The following FARP1 variants were observed in gnomAD, a reference collection of about 807,000 sequenced individuals.
FARP1 encodes the protein FERM, ARHGEF and pleckstrin domain-containing protein 1.
In FARP1, 52 loss-of-function variants were observed where a neutral mutation model predicts 128.8. The observed-to-expected ratio is 0.40, with a 90% CI of 0.32 to 0.51. The LOEUF (loss-of-function observed/expected upper bound fraction) is 0.51. Ranked by LOEUF, FARP1 falls within the 20% of genes least tolerant of loss-of-function variation. The probability of loss-of-function intolerance (pLI) is 0.45; values close to 1 mark genes in which losing one functional copy is unlikely to be tolerated. For missense variants in FARP1, 1,333 were observed against 1,367.9 expected (o/e 0.97, Z 0.40); for synonymous variants, 580 against 551.8 (o/e 1.05, Z -0.72).
chr13:98,268,404 G>A (rs564535624), intron 2 of FARP1, among the ~76,000 whole-genome samples: 1 of 152,230 alleles, frequency 6.6e-6, no homozygotes, highest in South Asian at 2.1e-4. Context: ...AAGAGATACT[G>A]GCCAGCAGAA....
chr13:98,153,288 A>ATATAGATAAATATATATT (rs1876153172), intron 1 of FARP1, among the ~76,000 whole-genome samples: 1 of 12,670 alleles, frequency 7.9e-5, no homozygotes, highest in Non-Finnish European at 3.6e-4. Context: ...TATATATAAA[A>ATATAGATAAATATATATT]TATATATAAA....
In FARP1 at chr13:98,446,161, G is replaced by C; in HGVS notation, c.2860G>C (p.Val954Leu). Reference protein sequence around the residue: ...KNSNGWQKLWVVFTNFCLFFY... With the variant: ...KNSNGWQKLWLVFTNFCLFFY... ...CAGCAACGGGTGGCAGAAGCTGTGG[G>C]TGGTGTTCACAAACTTCTGCCTGTT... The change falls in exon 25 of 27, where the codon GTG becomes CTG. Residue 954 changes from valine to leucine, a missense_variant. Physicochemically the swap from Val to Leu is conservative, Grantham distance 32 (BLOSUM62 1). Around this residue, in one of 2 missense-constraint regions of FARP1, gnomAD observed 1,009 missense variants for 969.8 expected, o/e 1.04. Coordinates refer to ENST00000319562, the MANE Select transcript of FARP1 (RefSeq NM_005766.4). The C allele has an allele frequency of 6.2e-7, 1 of 1,614,030 alleles. No individual in the cohort carries two copies. The highest frequency in any genetic ancestry group is 8.5e-7 in the Non-Finnish European group (1 of 1,179,882).
chr13:98,346,513 G>T (rs112277427), intron 3 of FARP1, among the ~76,000 whole-genome samples: 16,094 of 151,784 alleles, frequency 0.11, 1,111 homozygotes, highest in African/African-American at 0.19. Context: ...GGGAGGCTCA[G>T]GCAGGAGGAT....
chr13:98,246,176 G>C (rs1040329746), intron 2 of FARP1, among the ~76,000 whole-genome samples: 1 of 126,472 alleles, frequency 7.9e-6, no homozygotes, highest in Non-Finnish European at 1.6e-5. Flanking sequence ...CTCACTGCAG[G>C]CTCCGCCCCC....
At chr13:98,368,093 A>G (rs1183231947) in intron 4 of FARP1, 24 bp from the exon 5 acceptor site, 1 of 1,588,102 alleles carries the variant, frequency 6.3e-7, no homozygotes, top group Admixed American at 1.7e-5. Context: ...TAAATGCTTT[A>G]CTTCTTTTTT....
chr13:98,249,671 G>A (rs1172480316), intron 2 of FARP1, among the ~76,000 whole-genome samples: 16 of 152,064 alleles, frequency 1.1e-4, no homozygotes, highest in African/African-American at 3.6e-4. Flanking sequence ...CCTATGTCTC[G>A]GGGAGGCAGG....
intron 3 of FARP1, among the ~76,000 whole-genome samples, chr13:98,352,804 TG>T (rs1215004051): frequency 6.6e-6 from 1 of 152,126 alleles, no homozygotes; most frequent in African/African-American, 2.4e-5. Flanking sequence ...ACTGTGAGTG[TG>T]CAGTCAGCAA....
chr13:98,263,126 A>G (rs541149936), intron 2 of FARP1, among the ~76,000 whole-genome samples: 4 of 152,202 alleles, frequency 2.6e-5, no homozygotes, highest in Admixed American at 6.5e-5. Context: ...CTCCTGCCTC[A>G]GCCTCCTGAG....
At chr13:98,154,491 G>C (rs542825225) in intron 1 of FARP1, among the ~76,000 whole-genome samples, 1 of 152,164 alleles carries the variant, frequency 6.6e-6, no homozygotes, top group Non-Finnish European at 1.5e-5. Context: ...GAGGAGCTTT[G>C]TTGGCTGCCT....
chr13:98,184,011 C>A (rs1285623862), intron 1 of FARP1, among the ~76,000 whole-genome samples: 3 of 152,174 alleles, frequency 2.0e-5, no homozygotes, highest in Non-Finnish European at 4.4e-5. Context: ...AAAATGACAT[C>A]CACATGGTTT....
At chr13:98,424,055 A>G (rs1385000693) in intron 16 of FARP1, among the ~76,000 whole-genome samples, 3 of 152,082 alleles carry the variant, frequency 2.0e-5, no homozygotes, top group Non-Finnish European at 4.4e-5. Flanking sequence ...TTTCTCAGTT[A>G]TGCATTTCTC....
intron 2 of FARP1, among the ~76,000 whole-genome samples, chr13:98,266,911 G>GT (rs988895240): frequency 6.6e-6 from 1 of 151,380 alleles, no homozygotes; most frequent in African/African-American, 2.4e-5. Context: ...CTACTCAGGA[G>GT]GCTGAGGCAG....
At chr13:98,254,887 G>A (rs1883509421) in intron 2 of FARP1, among the ~76,000 whole-genome samples, 1 of 152,028 alleles carries the variant, frequency 6.6e-6, no homozygotes, top group African/African-American at 2.4e-5. Flanking sequence ...TAGCTTGGCT[G>A]TAGCTGGGGC....
chr13:98,171,536 A>G (rs1877652933), intron 1 of FARP1, among the ~76,000 whole-genome samples: 1 of 152,188 alleles, frequency 6.6e-6, no homozygotes. Flanking sequence ...GTCCTCTTAA[A>G]GTATATTTAC....
chr13:98,195,874 A>T (rs1165047386), intron 1 of FARP1, among the ~76,000 whole-genome samples: 1 of 152,044 alleles, frequency 6.6e-6, no homozygotes, highest in Non-Finnish European at 1.5e-5. Flanking sequence ...AAATTTTAAA[A>T]AATTCGCTGG....
In FARP1 at chr13:98,381,905, C is replaced by T. The variant is rs139815624; in HGVS notation, c.497-2825C>T. The stretch of plus-strand genomic sequence containing the variant: ...CGGTGGCTCATGTCTGTAATCCCAG[C>T]GCTTTGGGAGACCCAGGCAGGAGGA... On this transcript the variant is annotated intron_variant, in intron 6 of 26. Transcript: ENST00000319562. 1.3e-4 allele frequency among the ~76,000 whole-genome samples: 20 copies of T among 152,186 alleles called. No homozygotes were observed. In the East Asian group the frequency reaches 2.7e-3, roughly 21 times the overall value.
intron 3 of FARP1, among the ~76,000 whole-genome samples, chr13:98,346,679 AG>A (rs1387352421): frequency 6.6e-6 from 1 of 152,068 alleles, no homozygotes; most frequent in Non-Finnish European, 1.5e-5. Context: ...CAGGAGGCAG[AG>A]GTTGCAGTGA....
chr13:98,443,437 T>C (rs532676305), intron 24 of FARP1, among the ~76,000 whole-genome samples: 339 of 152,318 alleles, frequency 2.2e-3, no homozygotes, highest in Middle Eastern at 0.01. Context: ...AGACGCCAAA[T>C]GCTCGCTGAC....
At chr13:98,293,197 T>A (rs1465979160) in intron 2 of FARP1, among the ~76,000 whole-genome samples, 7 of 152,192 alleles carry the variant, frequency 4.6e-5, no homozygotes, top group African/African-American at 1.7e-4. Flanking sequence ...TGTTTTCTCT[T>A]CTAGCATAAA....
Sources: gnomAD v4.1 joint callset for allele counts (sites outside exome capture counted in the v4.1 genomes callset) on GRCh38, gnomAD v4.1.1 for gene constraint, gnomAD v4.1.1 regional missense constraint, MANE v1.5 for transcripts, NCBI Gene and HGNC (gene_info 2026-07-23, HGNC 2026-07-21) for gene names.